ZFYVE27: variants seen among roughly 807,000 people sequenced by gnomAD.
ZFYVE27 encodes the protein protrudin.
ZFYVE27 carries 36 observed loss-of-function variants against 52.8 expected under a neutral mutation model. The ratio of observed to expected loss-of-function variants is 0.68; its 90% CI spans 0.52 to 0.90. The LOEUF is 0.90. ZFYVE27 is among the 40% of genes least tolerant of loss of function. The pLI is 0.00. For missense variants in ZFYVE27, 450 were observed against 527.2 expected (o/e 0.85, Z 1.43); for synonymous variants, 223 against 215.6 (o/e 1.03, Z -0.30).
intron 10 of ZFYVE27, among the ~76,000 whole-genome samples, chr10:97,756,886 C>T (rs1008934002): frequency 1.1e-4 from 16 of 152,128 alleles, no homozygotes; most frequent in East Asian, 1.9e-4. Context: ...GGCATTGCTC[C>T]GGAAAGGGTC....
intron 2 of ZFYVE27, chr10:97,738,959 G>C (rs968158229): frequency 2.3e-6 from 1 of 428,112 alleles, no homozygotes; most frequent in South Asian, 2.9e-5. Flanking sequence ...TGAACATCAC[G>C]CCTTCTACAG....
At chr10:97,739,741 C>T (rs913045915) in intron 2 of ZFYVE27, among the ~76,000 whole-genome samples, 2 of 152,136 alleles carry the variant, frequency 1.3e-5, no homozygotes, top group African/African-American at 2.4e-5. Flanking sequence ...AAGACAATCT[C>T]TCTCGTGACA....
At position 97,749,494 on chromosome 10, in the gene ZFYVE27, GCA is replaced by G. The variant is rs1564821766; in HGVS notation, c.575_576del (p.Thr192SerfsTer33). ...TCCAGGTTCTATGGGGCTCTTCTGG[GCA>G]CAGTCTGCATGCTGTATTTGCTGCC... On this transcript the variant is annotated frameshift_variant, in exon 6 of 13. Transcript: ENST00000684270. LOFTEE classifies it high-confidence loss of function. The G allele has an allele frequency of 1.9e-6, 3 of 1,614,066 alleles. No individual in the cohort carries two copies. Among genetic ancestry groups the G allele is most frequent in the South Asian group, 1.1e-5 (1 of 91,084 alleles).
intron 2 of ZFYVE27, among the ~76,000 whole-genome samples, chr10:97,739,762 G>C (rs1170344282): frequency 6.6e-6 from 1 of 152,076 alleles, no homozygotes. Context: ...TTGATTTGCT[G>C]AAGAGACTGA....
rs1376268821 is a variant in ZFYVE27, at chr10:97,738,642, G to T, written c.165G>T (p.Lys55Asn). Residue 55 changes from lysine (K) to asparagine (N), a missense_variant, in exon 2 of 13, where the codon AAG becomes AAT. Lys to Asn is a moderately conservative substitution (Grantham distance 94). Coordinates refer to ENST00000684270, the MANE Select transcript of ZFYVE27 (RefSeq NM_001385875.1). ...TGGAGATCTACCTGGAACCCTTGAAGGATGCAGGTGATGGTGTTCGATACT... is the reference window on the plus strand; with the variant it reads ...TGGAGATCTACCTGGAACCCTTGAATGATGCAGGTGATGGTGTTCGATACT... ...KRLEIYLEPL[K>N]DAGDGVRYLL... The T allele has an allele frequency of 1.2e-6, 2 of 1,614,242 alleles. No individual in the cohort carries two copies. Among genetic ancestry groups the T allele is most frequent in the Non-Finnish European group, 1.7e-6 (2 of 1,180,058 alleles).
intron 12 of ZFYVE27, 55 bp from the exon 13 acceptor site, chr10:97,759,181 G>A: frequency 1.9e-6 from 3 of 1,600,344 alleles, no homozygotes; most frequent in Non-Finnish European, 2.6e-6. Context: ...AGTAGTTGGG[G>A]CCATGAACCA....
chr10:97,755,585 C>T lies in ZFYVE27; in HGVS notation c.1043-1680C>T, dbSNP rs141059794. Among the ~76,000 whole-genome samples, 206 of 152,338 alleles carry T rather than the reference C, an allele frequency of 1.4e-3. 3 individuals are homozygous for T. The East Asian group carries it at 0.03, about 23-fold the overall frequency. ...ATCCCATTCACGAGGGCTCCACCCT[C>T]ATGACCCGGTCACCTCCCAGGGGCC... On this transcript the variant is annotated intron_variant, in intron 10 of 12. Coordinates refer to ENST00000684270, the MANE Select transcript of ZFYVE27 (RefSeq NM_001385875.1).
At chr10:97,757,115 T>C in intron 10 of ZFYVE27, 150 bp from the exon 11 acceptor site, 1 of 985,868 alleles carries the variant, frequency 1.0e-6, no homozygotes, top group Non-Finnish European at 1.6e-6. Context: ...CTTCTTTCTG[T>C]CTCTGAATCT....
chr10:97,753,405 T>G (rs2047518505), intron 10 of ZFYVE27, among the ~76,000 whole-genome samples: 2 of 152,162 alleles, frequency 1.3e-5, no homozygotes, highest in Non-Finnish European at 1.5e-5. Flanking sequence ...CCCTCCATCC[T>G]GATTGGACAT....
At position 97,759,273 on chromosome 10, in the gene ZFYVE27, C is replaced by T. The variant is rs1410913781; in HGVS notation, c.1209C>T (p.Ala403=). ...EAQRETVFVC[A]SCNQTLSK ...AGAGGGAGACTGTGTTTGTGTGTGCCTCGTGTAACCAGACCTTGAGCAAGT... is the reference window on the plus strand; with the variant it reads ...AGAGGGAGACTGTGTTTGTGTGTGCTTCGTGTAACCAGACCTTGAGCAAGT... The change falls in exon 13 of 13, where the codon GCC becomes GCT. Residue 403 remains alanine, a synonymous_variant. Coordinates refer to ENST00000684270, the MANE Select transcript of ZFYVE27 (RefSeq NM_001385875.1). The T allele has an allele frequency of 1.9e-6, 3 of 1,614,188 alleles. No individual in the cohort carries two copies. Among genetic ancestry groups the T allele is most frequent in the East Asian group, 2.2e-5 (1 of 44,888 alleles).
At chr10:97,752,732 T>C (rs1192737127) in intron 8 of ZFYVE27, 125 bp from the exon 9 acceptor site, 2 of 1,092,768 alleles carry the variant, frequency 1.8e-6, no homozygotes, top group Non-Finnish European at 2.7e-6. Flanking sequence ...ATTTGGGAAG[T>C]GCGCAGAGCT....
In ZFYVE27 at chr10:97,744,927, A is replaced by G; in HGVS notation, c.455+12A>G. On this transcript the variant is annotated intron_variant, in intron 4 of 12. Coordinates refer to ENST00000684270, the MANE Select transcript of ZFYVE27 (RefSeq NM_001385875.1). ...GAGGTGAAGAGCTTGTGAGTATGGA[A>G]GAGAGGCCAGGGAGGTGGGGGAACA... The G allele has an allele frequency of 1.9e-6, 3 of 1,557,994 alleles. No homozygotes were observed. Among genetic ancestry groups the G allele is most frequent in the Non-Finnish European group, 2.6e-6 (3 of 1,152,378 alleles).
chr10:97,756,589 T>G (rs1463336767), intron 10 of ZFYVE27, among the ~76,000 whole-genome samples: 2 of 152,208 alleles, frequency 1.3e-5, no homozygotes, highest in African/African-American at 4.8e-5. Context: ...CTAGCCATTT[T>G]CTAAGCTGCC....
At position 97,759,311 on chromosome 10, in the gene ZFYVE27, C is replaced by T. The variant is rs755860145; in HGVS notation, c.*11C>T. ...ACCTTGAGCAAGTGAGAAGAGAGGC[C>T]AGGGTCCAACCAGGCACCCGTCCTT... On this transcript the variant is annotated 3_prime_UTR_variant, in exon 13 of 13. Coordinates refer to ENST00000684270, the MANE Select transcript of ZFYVE27 (RefSeq NM_001385875.1). The T allele has an allele frequency of 2.5e-6, 4 of 1,614,124 alleles. No individual in the cohort carries two copies. In the South Asian group the frequency reaches 3.3e-5, roughly 13 times the overall value.
chr10:97,757,886 G>A, intron 12 of ZFYVE27, 163 bp downstream of exon 12: 1 of 629,326 alleles, frequency 1.6e-6, no homozygotes, highest in Non-Finnish European at 2.8e-6. Context: ...TGAAACATTT[G>A]GTACATGCCG....
At chr10:97,748,127 C>T (rs1314631941) in intron 4 of ZFYVE27, 142 bp from the exon 5 acceptor site, 8 of 810,620 alleles carry the variant, frequency 9.9e-6, no homozygotes, top group Non-Finnish European at 1.6e-5. Context: ...CTCCCATGCT[C>T]TCTCGACTCC....
chr10:97,742,767 T>C (rs1488448679), intron 2 of ZFYVE27, among the ~76,000 whole-genome samples: 1 of 152,210 alleles, frequency 6.6e-6, no homozygotes, highest in Non-Finnish European at 1.5e-5. Flanking sequence ...CATTTGTCAG[T>C]GTCACCTCTT....
At position 97,744,869 on chromosome 10, in the gene ZFYVE27, A is replaced by G; in HGVS notation, c.409A>G (p.Arg137Gly). Residue 137 changes from arginine to glycine, a missense_variant, in exon 4 of 13, where the codon AGA becomes GGA. Coordinates refer to ENST00000684270, the MANE Select transcript of ZFYVE27 (RefSeq NM_001385875.1). ...TAGCGTGAGGCAGGAGGACCTGCAG[A>G]GAGGTCGCCTGTCTCGTCCCGAGGC... The part of the protein sequence containing the change: ...YHSVRQEDLQ[R>G]GRLSRPEAVA... The G allele has an allele frequency of 6.2e-7, 1 of 1,610,314 alleles. No individual in the cohort carries two copies. Among genetic ancestry groups the G allele is most frequent in the African/African-American group, 1.3e-5 (1 of 75,032 alleles).
intron 12 of ZFYVE27, chr10:97,758,016 G>T: frequency 3.3e-6 from 1 of 302,208 alleles, no homozygotes; most frequent in Non-Finnish European, 6.1e-6. Flanking sequence ...TCCCAGCACT[G>T]CTCCTGCCTT....
Sources: allele counts gnomAD v4.1 joint callset (sites outside exome capture counted in the v4.1 genomes callset), GRCh38; gene constraint gnomAD v4.1.1; transcripts MANE v1.5; gene names NCBI Gene and HGNC (gene_info 2026-07-23, HGNC 2026-07-21).